TTC27: variants seen among roughly 807,000 people sequenced by gnomAD.
TTC27 encodes tetratricopeptide repeat protein 27.
A neutral mutation model predicts 115.9 loss-of-function variants in TTC27; 79 were observed. The ratio of observed to expected loss-of-function variants is 0.68; its 90% CI spans 0.57 to 0.82. The LOEUF (loss-of-function observed/expected upper bound fraction) is 0.82. Ranked by LOEUF, TTC27 falls within the 40% of genes least tolerant of loss-of-function variation. TTC27 has a pLI of 0.00. For missense variants in TTC27, 1,054 were observed against 993.1 expected (o/e 1.06, Z -0.82); for synonymous variants, 401 against 356.0 (o/e 1.13, Z -1.42).
In TTC27 at chr2:32,664,267, A is replaced by G. The variant is rs981590455; in HGVS notation, c.641-36A>G. The G allele has an allele frequency of 9.6e-6, 15 of 1,556,990 alleles. 1 individual carries two copies. In the South Asian group the frequency reaches 1.8e-4, roughly 19 times the overall value. ...TACACATTAATATATTTTTCTTCTC[A>G]TCATAACTTTTAATGTTTTATCTTT... On this transcript the variant is annotated intron_variant, in intron 5 of 19. Coordinates refer to ENST00000317907, the MANE Select transcript of TTC27 (RefSeq NM_017735.5).
At chr2:32,799,412 A>G (rs1670845164) in intron 16 of TTC27, among the ~76,000 whole-genome samples, 1 of 152,230 alleles carries the variant, frequency 6.6e-6, no homozygotes, top group South Asian at 2.1e-4. Flanking sequence ...TACTAAAATG[A>G]GAAAGAGTAG....
chr2:32,692,975 CAA>C (rs554664495), intron 9 of TTC27, among the ~76,000 whole-genome samples: 10 of 105,418 alleles, frequency 9.5e-5, no homozygotes, highest in African/African-American at 1.7e-4. Flanking sequence ...GACTCTGTCT[CAA>C]AAAAAAAAAA....
intron 12 of TTC27, among the ~76,000 whole-genome samples, chr2:32,751,981 A>G (rs997779460): frequency 5.9e-5 from 9 of 152,204 alleles, no homozygotes; most frequent in Admixed American, 2.6e-4. Context: ...CTAGTTTGGA[A>G]CTGAAGTTTC....
chr2:32,629,528 G>C (rs2063542810), intron 1 of TTC27, among the ~76,000 whole-genome samples: 1 of 151,912 alleles, frequency 6.6e-6, no homozygotes, highest in Non-Finnish European at 1.5e-5. Flanking sequence ...TCCACCTCCC[G>C]GGTTCACGCC....
chr2:32,790,877 G>A (rs1262411449), intron 16 of TTC27, among the ~76,000 whole-genome samples: 3 of 152,020 alleles, frequency 2.0e-5, no homozygotes, highest in African/African-American at 4.8e-5. Context: ...TATGGTTTTC[G>A]CTAAGATCAT....
chr2:32,700,547 T>A (rs541309762), intron 9 of TTC27, among the ~76,000 whole-genome samples: 30 of 150,718 alleles, frequency 2.0e-4, no homozygotes, highest in Admixed American at 3.3e-4. Context: ...GAAAAAAAAA[T>A]TTTTTTTTTG....
chr2:32,794,534 A>G (rs1300824607), intron 16 of TTC27, among the ~76,000 whole-genome samples: 4 of 152,302 alleles, frequency 2.6e-5, no homozygotes, highest in Admixed American at 6.5e-5. Context: ...TTTACAACTT[A>G]AAGAGCAAAC....
chr2:32,812,392 C>A, intron 17 of TTC27, 112 bp from the exon 18 acceptor site: 1 of 777,810 alleles, frequency 1.3e-6, no homozygotes, highest in Non-Finnish European at 2.2e-6. Flanking sequence ...TGCTGTACAA[C>A]ACAGATGCTG....
intron 4 of TTC27, among the ~76,000 whole-genome samples, chr2:32,644,460 G>C (rs1012360746): frequency 6.6e-6 from 1 of 152,038 alleles, no homozygotes; most frequent in South Asian, 2.1e-4. Context: ...TGTCATTCTT[G>C]TAGGGTTGCA....
intron 9 of TTC27, among the ~76,000 whole-genome samples, chr2:32,694,826 C>T (rs1666930476): frequency 6.6e-6 from 1 of 151,638 alleles, no homozygotes; most frequent in African/African-American, 2.4e-5. Flanking sequence ...GTGTGCACTG[C>T]CACACCAGGT....
At chr2:32,723,159 AAAT>A (rs1198655268) in intron 10 of TTC27, among the ~76,000 whole-genome samples, 1 of 152,234 alleles carries the variant, frequency 6.6e-6, no homozygotes, top group Non-Finnish European at 1.5e-5. Flanking sequence ...CAAAGGCACT[AAAT>A]AATAACTTTA....
At chr2:32,777,443 C>T (rs1056206876) in intron 13 of TTC27, among the ~76,000 whole-genome samples, 1 of 152,214 alleles carries the variant, frequency 6.6e-6, no homozygotes, top group African/African-American at 2.4e-5. Flanking sequence ...CTCTTGATTA[C>T]TTGTGGTACC....
chr2:32,633,458 G>A (rs2151858844), intron 2 of TTC27, among the ~76,000 whole-genome samples: 1 of 152,016 alleles, frequency 6.6e-6, no homozygotes, highest in East Asian at 1.9e-4. Context: ...TATCATCTAG[G>A]CTGGAGTACA....
At chr2:32,783,294 A>C (rs1321182614) in intron 15 of TTC27, among the ~76,000 whole-genome samples, 1 of 152,156 alleles carries the variant, frequency 6.6e-6, no homozygotes, top group Non-Finnish European at 1.5e-5. Context: ...AATGCTTCTG[A>C]GAGAATGTTG....
At chr2:32,712,115 C>T (rs11124288) in intron 10 of TTC27, among the ~76,000 whole-genome samples, 32 of 152,248 alleles carry the variant, frequency 2.1e-4, no homozygotes, top group Admixed American at 1.8e-3. Flanking sequence ...ACATGGTTGC[C>T]GGCAGTTACA....
In TTC27 at chr2:32,811,104, G is replaced by A; in HGVS notation, c.2079G>A (p.Lys693=). The A allele has an allele frequency of 6.2e-7, 1 of 1,614,212 alleles. No homozygotes were observed. The highest frequency in any genetic ancestry group is 1.1e-5 in the South Asian group (1 of 91,082). Residue 693 remains lysine, a synonymous_variant, in exon 17 of 20, where the codon AAG becomes AAA. Coordinates refer to ENST00000317907, the MANE Select transcript of TTC27 (RefSeq NM_017735.5). The part of the protein sequence containing the change: ...SGDVATGLKG[K]LQELFGRVTS... ...ATGTTGCAACTGGCCTCAAAGGAAA[G>A]CTGCAGGAGTTATTTGGCAGAGTGA...
In TTC27 at chr2:32,740,500, T is replaced by C. The variant is rs1354892376; in HGVS notation, c.1452+3684T>C. Among the ~76,000 whole-genome samples, 3 of 152,100 alleles carry C rather than the reference T, an allele frequency of 2.0e-5. No individual in the cohort carries two copies. In the East Asian group the frequency reaches 5.8e-4, roughly 29 times the overall value. ...GATTCTTTATACAGTTTAAAAGATT[T>C]TCCCAGAAGTTCTTTCCTCAAACTA... On this transcript the variant is annotated intron_variant, in intron 12 of 19. Transcript: ENST00000317907.
At chr2:32,638,866 T>C (rs1236485811) in intron 3 of TTC27, among the ~76,000 whole-genome samples, 1 of 152,072 alleles carries the variant, frequency 6.6e-6, no homozygotes, top group African/African-American at 2.4e-5. Flanking sequence ...GGAGTCTTGC[T>C]CTGTCACCCA....
Position 32,650,236 on chromosome 2 carries a change from A to G in TTC27, c.640+3A>G, listed in dbSNP as rs973785959. The G allele has an allele frequency of 1.1e-5, 18 of 1,611,086 alleles. No homozygotes were observed. The highest frequency in any genetic ancestry group is 8.4e-5 in the Admixed American group (5 of 59,844). ...TGCCGAAAACTGTATTGATCAAGGTATGTAGCAGATTTTTGTTTGATATGG... is the reference window on the plus strand; with the variant it reads ...TGCCGAAAACTGTATTGATCAAGGTGTGTAGCAGATTTTTGTTTGATATGG... On this transcript the variant is annotated splice_donor_region_variant and intron_variant, in intron 5 of 19. Coordinates refer to ENST00000317907, the MANE Select transcript of TTC27 (RefSeq NM_017735.5).
Sources: gnomAD v4.1 joint callset for allele counts (sites outside exome capture counted in the v4.1 genomes callset) on GRCh38, gnomAD v4.1.1 for gene constraint, MANE v1.5 for transcripts, NCBI Gene and HGNC (gene_info 2026-07-23, HGNC 2026-07-21) for gene names.